The following AMD1 variants were observed in gnomAD, a reference collection of about 807,000 sequenced individuals.
The protein encoded by AMD1 is adenosylmethionine decarboxylase 1.
In AMD1, 11 loss-of-function variants were observed where a neutral mutation model predicts 40.2. The observed-to-expected ratio is 0.27, with a 90% CI of 0.17 to 0.45. The LOEUF (loss-of-function observed/expected upper bound fraction) is 0.45. AMD1 is among the 20% of genes least tolerant of loss of function. AMD1 has a pLI of 1.00. For synonymous variants in AMD1, 121 were observed against 130.8 expected (o/e 0.93, Z 0.51); for missense variants, 257 against 410.2 (o/e 0.63, Z 3.23).
chr6:110,865,256 G>C, the AMD1 span, among the ~76,000 whole-genome samples: 141 of 152,304 alleles, frequency 9.3e-4, 2 homozygotes, highest in Admixed American at 2.3e-3. Flanking sequence ...TGAAATTTCA[G>C]ATGGGTAGCT....
chr6:110,825,204 A>T, the AMD1 span, among the ~76,000 whole-genome samples: 1 of 152,226 alleles, frequency 6.6e-6, no homozygotes, highest in East Asian at 1.9e-4. Flanking sequence ...TGATAATAAA[A>T]TACAATTATC....
chr6:110,832,847 G>A, the AMD1 span, among the ~76,000 whole-genome samples: 1 of 152,094 alleles, frequency 6.6e-6, no homozygotes, highest in East Asian at 1.9e-4. Flanking sequence ...TTGAGACAGA[G>A]ATTCACTCTG....
chr6:110,875,022 C>CGCAGCGGCGGCG lies in AMD1; in HGVS notation c.-73_-62dup, dbSNP rs1562332925. 8 of 1,073,188 alleles carry CGCAGCGGCGGCG rather than the reference C, an allele frequency of 7.5e-6. No homozygotes were observed. The highest frequency in any genetic ancestry group is 1.1e-5 in the Non-Finnish European group (8 of 717,112). The allele number at this position is 1,073,188 out of a possible 1,614,324, so 66.5% of individuals were successfully genotyped here. On this transcript the variant is annotated 5_prime_UTR_variant, in exon 1 of 9. Transcript: ENST00000368885. ...CTTTAGTAACACAGCTGGAACAATC[C>CGCAGCGGCGGCG]GCAGCGGCGGCGGCAGCGGCGGGAG...
At chr6:110,874,781 T>A (rs552059130), upstream of AMD1, 1 of 206,370 alleles carries the variant, frequency 4.8e-6, no homozygotes, top group Non-Finnish European at 9.7e-6. Context: ...CACGCAGCGC[T>A]CTCGCTTACA....
At chr6:110,873,558 G>T (rs1173970787), upstream of AMD1, among the ~76,000 whole-genome samples, 1 of 152,170 alleles carries the variant, frequency 6.6e-6, no homozygotes, top group Non-Finnish European at 1.5e-5. Flanking sequence ...TCACTTTGGG[G>T]AAAGTTTTTT....
In AMD1 at chr6:110,888,872, T is replaced by C; in HGVS notation, c.213T>C (p.Phe71=). ...EAYVLSESSM[F]VSKRRFILKT... ...TCAACTGCAGTGAGAGTAGCATGTT[T>C]GTCTCCAAGAGACGTTTCATTTTGA... is the stretch of plus-strand genomic sequence containing the variant. Residue 71 remains phenylalanine (F), a synonymous_variant, in exon 3 of 9, where the codon TTT becomes TTC. Transcript: ENST00000368885. 1 of 1,612,058 alleles carries C rather than the reference T, an allele frequency of 6.2e-7. No homozygotes were observed. Among genetic ancestry groups the C allele is most frequent in the Non-Finnish European group, 8.5e-7 (1 of 1,179,638 alleles).
At chr6:110,850,680 C>T in the AMD1 span, among the ~76,000 whole-genome samples, 1 of 152,156 alleles carries the variant, frequency 6.6e-6, no homozygotes. Context: ...AAGGAATACG[C>T]AATGTAACAC....
chr6:110,887,761 C>G (rs779862571), intron 2 of AMD1, among the ~76,000 whole-genome samples, 170 bp downstream of exon 2: 11 of 152,164 alleles, frequency 7.2e-5, no homozygotes, highest in Non-Finnish European at 4.4e-5. Flanking sequence ...TGTCAGCTCA[C>G]TGCAACCTCC....
At chr6:110,860,838 CACACACACA>C in the AMD1 span, among the ~76,000 whole-genome samples, 2 of 141,446 alleles carry the variant, frequency 1.4e-5, no homozygotes, top group Admixed American at 1.5e-4. Context: ...CCCACCCACA[CACACACACA>C]CACACACACA....
chr6:110,853,339 G>A, the AMD1 span, among the ~76,000 whole-genome samples: 3 of 149,500 alleles, frequency 2.0e-5, no homozygotes, highest in African/African-American at 2.5e-5. Context: ...ACGGAATCTC[G>A]GTCTGTTGCC....
At chr6:110,844,870 G>A in the AMD1 span, among the ~76,000 whole-genome samples, 1 of 152,016 alleles carries the variant, frequency 6.6e-6, no homozygotes, top group Non-Finnish European at 1.5e-5. Flanking sequence ...TTGTCTCAAG[G>A]TTCTGCAGAC....
chr6:110,863,192 G>A, the AMD1 span, among the ~76,000 whole-genome samples: 4 of 151,688 alleles, frequency 2.6e-5, no homozygotes, highest in East Asian at 1.9e-4. Flanking sequence ...TGATCCGCCC[G>A]CCTCGGCCTC....
intron 1 of AMD1, among the ~76,000 whole-genome samples, chr6:110,876,202 C>T (rs1237466707): frequency 1.3e-5 from 2 of 152,236 alleles, no homozygotes; most frequent in Non-Finnish European, 2.9e-5. Context: ...TATATAAAAG[C>T]CCAGAGATCC....
intron 2 of AMD1, among the ~76,000 whole-genome samples, chr6:110,888,084 T>C (rs1737028478): frequency 6.6e-6 from 1 of 152,192 alleles, no homozygotes; most frequent in Non-Finnish European, 1.5e-5. Context: ...ACCGGACAGT[T>C]CAAGGTGTTT....
At chr6:110,875,887 C>T (rs978705530) in intron 1 of AMD1, among the ~76,000 whole-genome samples, 177 of 152,172 alleles carry the variant, frequency 1.2e-3, no homozygotes, top group African/African-American at 4.1e-3. Flanking sequence ...AGAGCCTTTT[C>T]GGGGCGGCTG....
At chr6:110,837,736 A>T in the AMD1 span, among the ~76,000 whole-genome samples, 1 of 95,066 alleles carries the variant, frequency 1.1e-5, no homozygotes, top group Non-Finnish European at 2.2e-5. Flanking sequence ...AAAAAAAAAA[A>T]AAAAAAAAAA....
the AMD1 span, chr6:110,815,163 G>C: frequency 6.4e-7 from 1 of 1,564,048 alleles, no homozygotes; most frequent in Non-Finnish European, 8.6e-7. Context: ...AGAGGCACGG[G>C]ACGCGGGGGC....
At chr6:110,821,148 A>C in the AMD1 span, among the ~76,000 whole-genome samples, 5 of 152,186 alleles carry the variant, frequency 3.3e-5, no homozygotes, top group Non-Finnish European at 7.3e-5. Context: ...GAATAGCCTC[A>C]TCCTGTGCTT....
chr6:110,867,348 G>A, the AMD1 span, among the ~76,000 whole-genome samples: 3 of 151,842 alleles, frequency 2.0e-5, no homozygotes, highest in Non-Finnish European at 4.4e-5. Flanking sequence ...AACAGAATAA[G>A]TATAGTTGAG....
Sources: allele counts gnomAD v4.1 joint callset (sites outside exome capture counted in the v4.1 genomes callset), GRCh38; gene constraint gnomAD v4.1.1; transcripts MANE v1.5; gene names NCBI Gene and HGNC (gene_info 2026-07-23, HGNC 2026-07-21).